NPAS3: variants seen among roughly 807,000 people sequenced by gnomAD.
NPAS3 encodes neuronal PAS domain-containing protein 3.
Under a neutral mutation model 73.1 loss-of-function variants are expected in NPAS3, and 14 were observed. The ratio of observed to expected loss-of-function variants is 0.19; its 90% CI spans 0.13 to 0.30. The LOEUF is 0.30. Among genes scored for constraint, NPAS3 ranks in the 10% least tolerant of loss-of-function variants. The pLI is 1.00. For missense variants in NPAS3, 1,096 were observed against 1,250.0 expected, an observed-to-expected ratio of 0.88 and a Z score of 1.86; for synonymous variants, 620 against 541.5, an observed-to-expected ratio of 1.14 and a Z score of -2.01.
chr14:33,611,877 AG>A (rs1389926577), intron 5 of NPAS3, among the ~76,000 whole-genome samples: 1 of 152,210 alleles, frequency 6.6e-6, no homozygotes, highest in Non-Finnish European at 1.5e-5. Context: ...TATTTTAAAA[AG>A]CTTCAAGGGA....
chr14:33,642,283 A>G (rs934628695), intron 5 of NPAS3, among the ~76,000 whole-genome samples: 1 of 152,106 alleles, frequency 6.6e-6, no homozygotes, highest in African/African-American at 2.4e-5. Context: ...ACCATCCCCC[A>G]GATTAATATT....
At chr14:32,968,398 T>C (rs997229289) in intron 1 of NPAS3, among the ~76,000 whole-genome samples, 1 of 152,202 alleles carries the variant, frequency 6.6e-6, no homozygotes, top group African/African-American at 2.4e-5. Flanking sequence ...AACTTCCTAA[T>C]GTACCTGTCA....
intron 2 of NPAS3, among the ~76,000 whole-genome samples, chr14:33,196,536 A>G (rs751647250): frequency 1.3e-5 from 2 of 152,138 alleles, no homozygotes; most frequent in Non-Finnish European, 2.9e-5. Context: ...TGCCTTGAAA[A>G]CGCATAGATG....
chr14:33,245,476 G>A (rs1379563216), intron 3 of NPAS3, among the ~76,000 whole-genome samples: 3 of 152,144 alleles, frequency 2.0e-5, no homozygotes, highest in African/African-American at 7.2e-5. Flanking sequence ...TCAGATAGGT[G>A]CTTCCTGGTT....
chr14:33,249,130 G>C (rs912859), intron 3 of NPAS3, among the ~76,000 whole-genome samples: 12,850 of 152,104 alleles, frequency 0.084, 771 homozygotes, highest in Non-Finnish European at 0.12. Context: ...TCTTTATAGA[G>C]ACTGTTAAAA....
chr14:33,015,973 T>G (rs1402696715), intron 1 of NPAS3, among the ~76,000 whole-genome samples: 1 of 152,198 alleles, frequency 6.6e-6, no homozygotes, highest in Non-Finnish European at 1.5e-5. Context: ...TTTTGGCTAC[T>G]TTTTGAAATG....
chr14:33,475,628 T>C (rs1286063297), intron 4 of NPAS3, among the ~76,000 whole-genome samples: 2 of 152,012 alleles, frequency 1.3e-5, no homozygotes, highest in Non-Finnish European at 2.9e-5. Flanking sequence ...GAAATCCTTA[T>C]ACACTCCTGG....
intron 1 of NPAS3, among the ~76,000 whole-genome samples, chr14:33,011,912 CT>C (rs1354676214): frequency 2.6e-5 from 4 of 151,902 alleles, no homozygotes; most frequent in African/African-American, 9.7e-5. Context: ...GGTTCATGTG[CT>C]TTTTTTTATA....
intron 4 of NPAS3, among the ~76,000 whole-genome samples, chr14:33,554,582 C>A (rs1388308271): frequency 5.3e-5 from 8 of 152,254 alleles, no homozygotes; most frequent in Non-Finnish European, 1.5e-5. Context: ...AATAACCTAG[C>A]CTACTGGTAA....
chr14:33,683,828 C>T (rs1358638088), intron 6 of NPAS3, among the ~76,000 whole-genome samples: 1 of 152,216 alleles, frequency 6.6e-6, no homozygotes, highest in African/African-American at 2.4e-5. Context: ...CCAAGTATAG[C>T]TTTAGCAACA....
chr14:33,043,333 C>A (rs576808813), intron 1 of NPAS3, among the ~76,000 whole-genome samples: 136 of 152,200 alleles, frequency 8.9e-4, no homozygotes, highest in Middle Eastern at 6.8e-3. Context: ...CAATTAAATT[C>A]TCCTTAGTAG....
At chr14:33,447,793 T>C (rs1378759766) in intron 4 of NPAS3, among the ~76,000 whole-genome samples, 1 of 152,088 alleles carries the variant, frequency 6.6e-6, no homozygotes, top group East Asian at 1.9e-4. Flanking sequence ...CACACACCTA[T>C]AGTATGAGCT....
At chr14:33,769,047 CA>C (rs1176444360) in intron 7 of NPAS3, among the ~76,000 whole-genome samples, 1 of 152,110 alleles carries the variant, frequency 6.6e-6, no homozygotes, top group African/African-American at 2.4e-5. Flanking sequence ...ATTTTTTAAA[CA>C]AAATTATTCT....
chr14:32,957,372 ATTTTTTT>A (rs199933003), intron 1 of NPAS3, among the ~76,000 whole-genome samples: 1 of 131,936 alleles, frequency 7.6e-6, no homozygotes, highest in African/African-American at 2.8e-5. Context: ...ATTCATTTTC[ATTTTTTT>A]TTTTTTTTTG....
upstream of NPAS3, among the ~76,000 whole-genome samples, chr14:32,935,611 G>T (rs1309009741): frequency 6.6e-6 from 1 of 152,172 alleles, no homozygotes; most frequent in Non-Finnish European, 1.5e-5. Flanking sequence ...ATACAAGTTA[G>T]GAAGCAAATT....
intron 2 of NPAS3, among the ~76,000 whole-genome samples, chr14:33,159,543 T>C (rs1473552313): frequency 1.3e-5 from 2 of 150,034 alleles, no homozygotes; most frequent in Admixed American, 6.8e-5. Context: ...ATAGTATTAA[T>C]TATAATGAGC....
chr14:33,644,446 T>C (rs949164252), intron 5 of NPAS3, among the ~76,000 whole-genome samples: 1 of 152,208 alleles, frequency 6.6e-6, no homozygotes, highest in African/African-American at 2.4e-5. Context: ...TGGCCAGCCA[T>C]TGGGTATGAT....
intron 5 of NPAS3, among the ~76,000 whole-genome samples, chr14:33,561,367 C>T (rs1450250894): frequency 1.3e-5 from 2 of 152,168 alleles, no homozygotes; most frequent in African/African-American, 4.8e-5. Flanking sequence ...GGAGGAGAAA[C>T]ACTGCCAAAT....
At chr14:33,547,983 T>A (rs990931568) in intron 4 of NPAS3, among the ~76,000 whole-genome samples, 2 of 152,234 alleles carry the variant, frequency 1.3e-5, no homozygotes, top group African/African-American at 4.8e-5. Context: ...CTAAGATAAC[T>A]ACTACTGTAG....
Sources: gnomAD v4.1 joint callset for allele counts (sites outside exome capture counted in the v4.1 genomes callset) on GRCh38, gnomAD v4.1.1 for gene constraint, MANE v1.5 for transcripts, NCBI Gene and HGNC (gene_info 2026-07-23, HGNC 2026-07-21) for gene names.